The following VEZT variants were observed in gnomAD, a reference collection of about 807,000 sequenced individuals.
The protein encoded by VEZT is vezatin, adherens junctions transmembrane protein, also known as vezatin.
Under a neutral mutation model 79.9 loss-of-function variants are expected in VEZT, and 39 were observed. That is an observed-to-expected ratio of 0.49 (90% CI 0.38 to 0.64). The LOEUF (loss-of-function observed/expected upper bound fraction) is 0.64, where lower values mean the gene tolerates loss of function less well. Among genes scored for constraint, VEZT ranks in the 30% least tolerant of loss-of-function variants. The probability of loss-of-function intolerance (pLI) is 0.00; values close to 1 mark genes in which losing one functional copy is unlikely to be tolerated. For missense variants in VEZT, 837 were observed against 893.1 expected (o/e 0.94, Z 0.80); for synonymous variants, 325 against 327.6 (o/e 0.99, Z 0.09).
At chr12:95,238,879 G>A (rs1427468930) in intron 1 of VEZT, among the ~76,000 whole-genome samples, 1 of 152,076 alleles carries the variant, frequency 6.6e-6, no homozygotes, top group African/African-American at 2.4e-5. Flanking sequence ...TAAGAGACTG[G>A]ATAAATAAAT....
chr12:95,284,216 A>G (rs544891019), intron 8 of VEZT, among the ~76,000 whole-genome samples: 38 of 152,364 alleles, frequency 2.5e-4, no homozygotes, highest in South Asian at 1.9e-3. Flanking sequence ...TAGAAAGTAC[A>G]CCAGTCACAA....
intron 5 of VEZT, among the ~76,000 whole-genome samples, chr12:95,268,391 G>A (rs1484242153): frequency 6.6e-6 from 1 of 152,056 alleles, no homozygotes; most frequent in Admixed American, 6.5e-5. Flanking sequence ...CCAGCTACCC[G>A]GGAGGCTGAG....
chr12:95,252,152 C>G, intron 2 of VEZT, 81 bp downstream of exon 2: 1 of 1,423,054 alleles, frequency 7.0e-7, no homozygotes, highest in Non-Finnish European at 9.4e-7. Flanking sequence ...TTAAGCACTT[C>G]CATATCCTCC....
At chr12:95,245,538 A>G (rs2061604047) in intron 1 of VEZT, 1 of 456,750 alleles carries the variant, frequency 2.2e-6, no homozygotes, top group Non-Finnish European at 4.4e-6. Context: ...GTTGCCTGAC[A>G]TGGAAGATGT....
intron 1 of VEZT, among the ~76,000 whole-genome samples, chr12:95,220,047 A>G (rs774881388): frequency 2.0e-5 from 3 of 152,190 alleles, no homozygotes; most frequent in Non-Finnish European, 4.4e-5. Context: ...GCTCTTTGAT[A>G]TACACAATTT....
intron 2 of VEZT, among the ~76,000 whole-genome samples, chr12:95,254,337 TTC>T (rs2063105689): frequency 1.4e-5 from 2 of 139,272 alleles, no homozygotes; most frequent in African/African-American, 5.4e-5. Context: ...TAAAACGAAG[TTC>T]TTTTTTTTTT....
intron 1 of VEZT, among the ~76,000 whole-genome samples, chr12:95,230,864 A>G (rs1385385191): frequency 1.3e-5 from 2 of 152,184 alleles, no homozygotes; most frequent in South Asian, 2.1e-4. Context: ...GGGGATATCA[A>G]TCTACCATTG....
chr12:95,228,457 G>A (rs528148280), intron 1 of VEZT, among the ~76,000 whole-genome samples: 1 of 151,944 alleles, frequency 6.6e-6, no homozygotes, highest in African/African-American at 2.4e-5. Context: ...TGATAATGGA[G>A]CTTCCTGTCT....
chr12:95,282,392 CT>C lies in VEZT; in HGVS notation c.1077del (p.Pro360LeufsTer18). 1 of 1,613,862 alleles carries C rather than the reference CT, an allele frequency of 6.2e-7. No individual in the cohort carries two copies. Among genetic ancestry groups the C allele is most frequent in the Non-Finnish European group, 8.5e-7 (1 of 1,179,850 alleles). On this transcript the variant is annotated frameshift_variant, in exon 8 of 12. Transcript: ENST00000436874. LOFTEE classifies it high-confidence loss of function. Reference protein sequence around the residue: ...LALLLSTANSPPGPLLTPALL... With the variant: ...LALLLSTANSXPGPLLTPALL... ...CTATTACTTTCTACAGCCAATTCACCTCCTGGGCCCTTACTTACTCCAGCAC... is the reference window on the plus strand; with the variant it reads ...CTATTACTTTCTACAGCCAATTCACCCCTGGGCCCTTACTTACTCCAGCAC...
intron 1 of VEZT, among the ~76,000 whole-genome samples, chr12:95,225,482 A>G (rs533271812): frequency 6.6e-6 from 1 of 152,160 alleles, no homozygotes; most frequent in East Asian, 1.9e-4. Flanking sequence ...GCGTAAACCC[A>G]GGAGGCTGAG....
At chr12:95,227,546 G>T (rs1011182100) in intron 1 of VEZT, among the ~76,000 whole-genome samples, 1 of 152,050 alleles carries the variant, frequency 6.6e-6, no homozygotes, top group Non-Finnish European at 1.5e-5. Context: ...TCGCCATGTT[G>T]GCCAGGCTTG....
At chr12:95,259,988 A>G (rs1399834425) in intron 3 of VEZT, among the ~76,000 whole-genome samples, 2 of 152,046 alleles carry the variant, frequency 1.3e-5, no homozygotes, top group African/African-American at 4.8e-5. Context: ...TTTTTCCTCT[A>G]CGTGAGGCAA....
intron 9 of VEZT, among the ~76,000 whole-genome samples, 158 bp downstream of exon 9, chr12:95,288,015 CACTG>C (rs2071438982): frequency 6.6e-6 from 1 of 151,954 alleles, no homozygotes; most frequent in Non-Finnish European, 1.5e-5. Flanking sequence ...TACAAAGTGA[CACTG>C]AATACAATTC....
In VEZT at chr12:95,257,204, C is replaced by T; in HGVS notation, c.223C>T (p.Gln75Ter). ...CATCAAAAGTTGGATTTTTTTTTCT[C>T]AGTGCAATAAGAAAGATGACTTACT... ...ETIKSWIFFS[Q>*]CNKKDDLLHK... Residue 75 changes from glutamine (Q) to a stop codon, truncating the protein, a stop_gained, in exon 3 of 12, where the codon CAG becomes TAG. Transcript: ENST00000436874. LOFTEE classifies it high-confidence loss of function. 1 of 1,609,590 alleles carries T rather than the reference C, an allele frequency of 6.2e-7. No homozygotes were observed. Among genetic ancestry groups the T allele is most frequent in the Non-Finnish European group, 8.5e-7 (1 of 1,178,148 alleles).
intron 5 of VEZT, among the ~76,000 whole-genome samples, chr12:95,268,415 A>G (rs976783342): frequency 2.0e-5 from 3 of 152,056 alleles, no homozygotes; most frequent in Non-Finnish European, 4.4e-5. Context: ...GGAGAATGGC[A>G]TGAACCCGGG....
chr12:95,222,063 C>T (rs1244319476), intron 1 of VEZT, among the ~76,000 whole-genome samples: 2 of 152,126 alleles, frequency 1.3e-5, no homozygotes, highest in Non-Finnish European at 2.9e-5. Context: ...AGTCCTGTGA[C>T]CAATTCCCCA....
chr12:95,223,032 A>G (rs560308550), intron 1 of VEZT, among the ~76,000 whole-genome samples: 137 of 152,208 alleles, frequency 9.0e-4, no homozygotes, highest in Non-Finnish European at 1.6e-3. Context: ...GCAGTGTAAT[A>G]TAGTTAAAGA....
chr12:95,282,352 T>C lies in VEZT; in HGVS notation c.1036T>C (p.Phe346Leu). Residue 346 changes from phenylalanine (F) to leucine (L), a missense_variant, in exon 8 of 12, where the codon TTC becomes CTC. Transcript: ENST00000436874. ...CTGGGTGGCACAGAGTTCAGAGTTC[T>C]TCAGACGGTTAGCCCTATTACTTTC... ...QLWVAQSSEF[F>L]RRLALLLSTA... 6.2e-7 allele frequency: 1 copy of C among 1,613,912 alleles called. No individual in the cohort carries two copies. The highest frequency in any genetic ancestry group is 8.5e-7 in the Non-Finnish European group (1 of 1,179,862).
At chr12:95,236,578 T>C (rs1593202802) in intron 1 of VEZT, among the ~76,000 whole-genome samples, 1 of 151,462 alleles carries the variant, frequency 6.6e-6, no homozygotes, top group East Asian at 1.9e-4. Context: ...CTGAATTCTT[T>C]TTTTTTTTTT....
Sources: gnomAD v4.1 joint callset for allele counts (sites outside exome capture counted in the v4.1 genomes callset) on GRCh38, gnomAD v4.1.1 for gene constraint, MANE v1.5 for transcripts, NCBI Gene and HGNC (gene_info 2026-07-23, HGNC 2026-07-21) for gene names.